GRID2: variants seen among roughly 807,000 people sequenced by gnomAD.
GRID2 encodes the protein glutamate receptor ionotropic, delta-2.
Under a neutral mutation model 114.8 loss-of-function variants are expected in GRID2, and 33 were observed. The ratio of observed to expected loss-of-function variants is 0.29; its 90% CI spans 0.22 to 0.38. GRID2 has a LOEUF of 0.38. GRID2 is among the 10% of genes least tolerant of loss of function. The pLI is 1.00. For synonymous variants in GRID2, 505 were observed against 449.9 expected (o/e 1.12, Z -1.55); for missense variants, 1,184 against 1,257.7 (o/e 0.94, Z 0.89).
At chr4:93,251,925 A>G (rs1748982540) in intron 8 of GRID2, among the ~76,000 whole-genome samples, 1 of 152,148 alleles carries the variant, frequency 6.6e-6, no homozygotes, top group Admixed American at 6.6e-5. Context: ...GCTATTGTGA[A>G]TAGTGCTGCA....
chr4:92,503,961 A>T (rs968595612), intron 1 of GRID2, among the ~76,000 whole-genome samples: 3 of 152,100 alleles, frequency 2.0e-5, no homozygotes, highest in Non-Finnish European at 2.9e-5. Context: ...AGTTAGATTG[A>T]AAATATAAGA....
chr4:93,330,731 C>T (rs532192597), intron 8 of GRID2, among the ~76,000 whole-genome samples: 4 of 152,146 alleles, frequency 2.6e-5, no homozygotes, highest in African/African-American at 9.6e-5. Flanking sequence ...CCATGCAAAC[C>T]TATAGGAAGG....
chr4:92,741,324 C>T (rs1023360150), intron 2 of GRID2, among the ~76,000 whole-genome samples: 4 of 152,092 alleles, frequency 2.6e-5, no homozygotes, highest in East Asian at 3.9e-4. Context: ...TTCAGATAAT[C>T]GTAATAATTT....
At chr4:92,700,511 T>C (rs934994500) in intron 2 of GRID2, among the ~76,000 whole-genome samples, 11 of 152,186 alleles carry the variant, frequency 7.2e-5, no homozygotes, top group African/African-American at 2.7e-4. Context: ...TAAAACCTAA[T>C]TCTCCTTTCC....
intron 8 of GRID2, among the ~76,000 whole-genome samples, chr4:93,296,608 A>G (rs771171536): frequency 2.6e-5 from 4 of 152,088 alleles, no homozygotes; most frequent in Admixed American, 6.5e-5. Context: ...CAACAAACAA[A>G]CATATATGAT....
chr4:93,768,618 A>C (rs912189594), intron 14 of GRID2, among the ~76,000 whole-genome samples: 2 of 152,204 alleles, frequency 1.3e-5, no homozygotes, highest in Admixed American at 1.3e-4. Flanking sequence ...AGTTGTGCGA[A>C]AAACCAAAAA....
intron 2 of GRID2, among the ~76,000 whole-genome samples, chr4:92,651,070 A>G (rs1446258646): frequency 6.6e-6 from 1 of 152,132 alleles, no homozygotes; most frequent in Admixed American, 6.5e-5. Flanking sequence ...ATCAGAAACA[A>G]TGCTGTGTAG....
intron 14 of GRID2, among the ~76,000 whole-genome samples, chr4:93,757,665 TA>T (rs1732867411): frequency 6.6e-6 from 1 of 152,290 alleles, no homozygotes; most frequent in Admixed American, 6.5e-5. Flanking sequence ...CCTCCATTTA[TA>T]AAACCTTAGC....
intron 2 of GRID2, among the ~76,000 whole-genome samples, chr4:93,066,885 G>C (rs1728341345): frequency 6.6e-6 from 1 of 151,952 alleles, no homozygotes; most frequent in African/African-American, 2.4e-5. Context: ...AATGGAGACA[G>C]TCTGTCTTAT....
At chr4:92,614,376 G>A (rs536835551) in intron 2 of GRID2, among the ~76,000 whole-genome samples, 18 of 151,420 alleles carry the variant, frequency 1.2e-4, no homozygotes, top group Admixed American at 2.0e-4. Context: ...ATAATTTTGC[G>A]GTTAACACTG....
chr4:93,196,583 A>T (rs1258450736), intron 4 of GRID2, among the ~76,000 whole-genome samples: 1 of 152,112 alleles, frequency 6.6e-6, no homozygotes, highest in Non-Finnish European at 1.5e-5. Context: ...ATGAGAAATA[A>T]TTAGCCTCCA....
intron 2 of GRID2, among the ~76,000 whole-genome samples, chr4:92,750,916 C>T (rs1035861644): frequency 6.6e-5 from 10 of 152,096 alleles, no homozygotes; most frequent in African/African-American, 2.2e-4. Flanking sequence ...AGCTGAGCTT[C>T]ATATTGTATC....
At chr4:93,234,892 G>A (rs1238169122) in intron 7 of GRID2, among the ~76,000 whole-genome samples, 1 of 151,896 alleles carries the variant, frequency 6.6e-6, no homozygotes, top group African/African-American at 2.4e-5. Flanking sequence ...CAGGTTACAA[G>A]GAACCTAGAA....
intron 8 of GRID2, among the ~76,000 whole-genome samples, chr4:93,329,909 C>G (rs1207402846): frequency 1.6e-5 from 2 of 122,658 alleles, no homozygotes; most frequent in African/African-American, 6.6e-5. Flanking sequence ...AGACTTATTG[C>G]GAAAAAAAAA....
In GRID2 at chr4:92,711,663, G is replaced by A. The variant is rs1234031799; in HGVS notation, c.244+121377G>A. Among the ~76,000 whole-genome samples, 4 of 152,166 alleles carry A rather than the reference G, an allele frequency of 2.6e-5. No individual in the cohort carries two copies. The East Asian group carries it at 5.8e-4, about 22-fold the overall frequency. On this transcript the variant is annotated intron_variant, in intron 2 of 15. Transcript: ENST00000282020. ...CACGCCTGTAATCCAAGCACTTTGGGAAGTCAAGACAGGAGGATCACTTGA... is the reference window on the plus strand; with the variant it reads ...CACGCCTGTAATCCAAGCACTTTGGAAAGTCAAGACAGGAGGATCACTTGA...
chr4:93,528,961 A>G (rs1731190247), intron 13 of GRID2, among the ~76,000 whole-genome samples: 2 of 152,182 alleles, frequency 1.3e-5, no homozygotes, highest in Non-Finnish European at 2.9e-5. Context: ...ATTATACCTA[A>G]AAAGGTTAAG....
At chr4:92,669,705 G>T (rs529974567) in intron 2 of GRID2, among the ~76,000 whole-genome samples, 22 of 152,068 alleles carry the variant, frequency 1.4e-4, no homozygotes, top group Admixed American at 3.9e-4. Flanking sequence ...TTGAATAAAG[G>T]CAGCTATCAA....
At chr4:92,856,125 T>A (rs890609674) in intron 2 of GRID2, among the ~76,000 whole-genome samples, 3 of 152,092 alleles carry the variant, frequency 2.0e-5, no homozygotes, top group Non-Finnish European at 4.4e-5. Context: ...TGTTACTGGT[T>A]TATTTTTAAG....
At chr4:93,480,302 C>A (rs552892716) in intron 11 of GRID2, among the ~76,000 whole-genome samples, 1 of 152,080 alleles carries the variant, frequency 6.6e-6, no homozygotes, top group East Asian at 2.0e-4. Flanking sequence ...AAAAATGCTA[C>A]CTTGACCCCT....
Sources: allele counts gnomAD v4.1 joint callset (sites outside exome capture counted in the v4.1 genomes callset), GRCh38; gene constraint gnomAD v4.1.1; transcripts MANE v1.5; gene names NCBI Gene and HGNC (gene_info 2026-07-23, HGNC 2026-07-21).